Variants in STK32B observed in about 807,000 individuals in gnomAD.
The protein encoded by STK32B is serine/threonine kinase 32B, also known as serine/threonine-protein kinase 32B.
STK32B carries 43 observed loss-of-function variants against 52.6 expected under a neutral mutation model. The observed-to-expected ratio is 0.82, with a 90% CI of 0.64 to 1.05. STK32B has a LOEUF of 1.05. STK32B is among the 50% of genes least tolerant of loss of function. STK32B has a pLI of 0.00. For missense variants in STK32B, 621 were observed against 534.6 expected (o/e 1.16, Z -1.59); for synonymous variants, 238 against 204.3 (o/e 1.17, Z -1.41).
At chr4:5,384,127 G>A (rs1056456978) in intron 4 of STK32B, among the ~76,000 whole-genome samples, 4 of 152,224 alleles carry the variant, frequency 2.6e-5, no homozygotes, top group Admixed American at 1.3e-4. Context: ...GCAGCCAGAC[G>A]AAGTGAGTGG....
intron 2 of STK32B, among the ~76,000 whole-genome samples, chr4:5,167,142 C>A (rs1234215375): frequency 1.3e-5 from 2 of 152,144 alleles, no homozygotes; most frequent in Non-Finnish European, 2.9e-5. Flanking sequence ...AGCTTGCCCC[C>A]TGGTTTTGAT....
chr4:5,493,077 G>C (rs1464408837), intron 11 of STK32B, among the ~76,000 whole-genome samples: 3 of 151,326 alleles, frequency 2.0e-5, no homozygotes, highest in Admixed American at 6.6e-5. Context: ...TTGGTATCAG[G>C]ATGATGCTGG....
At position 5,205,336 on chromosome 4, in the gene STK32B, T is replaced by C. The variant is rs555622264; in HGVS notation, c.260+36886T>C. Among the ~76,000 whole-genome samples the C allele has an allele frequency of 3.9e-5, 6 of 152,340 alleles. No individual in the cohort carries two copies. The South Asian group carries it at 1.2e-3, about 32-fold the overall frequency. ...GGAGGCAGTACAATCTCCATAATCC[T>C]GTGAGCCAATGTCTATAGTAAATCT... On this transcript the variant is annotated intron_variant, in intron 3 of 11. Transcript: ENST00000282908.
chr4:5,155,359 A>G (rs755949597), intron 2 of STK32B, among the ~76,000 whole-genome samples: 10 of 152,244 alleles, frequency 6.6e-5, no homozygotes, highest in Non-Finnish European at 1.0e-4. Context: ...GCACCAGAAC[A>G]TAAGCTCTTT....
chr4:5,356,710 T>TA (rs1384097376), intron 4 of STK32B, among the ~76,000 whole-genome samples: 1 of 152,150 alleles, frequency 6.6e-6, no homozygotes, highest in Admixed American at 6.5e-5. Flanking sequence ...TTAATAAGTG[T>TA]ATATTGCTGG....
intron 4 of STK32B, among the ~76,000 whole-genome samples, chr4:5,370,822 A>T (rs574495298): frequency 7.4e-4 from 112 of 152,032 alleles, no homozygotes; most frequent in African/African-American, 2.6e-3. Context: ...AAATAAAAAA[A>T]ATTAGCCAGA....
intron 3 of STK32B, among the ~76,000 whole-genome samples, chr4:5,188,500 G>T (rs1720922282): frequency 6.6e-6 from 1 of 151,948 alleles, no homozygotes; most frequent in African/African-American, 2.4e-5. Context: ...TGTTCTCTCT[G>T]CCTGGGTGAT....
At chr4:5,358,701 G>GCGCGCGCGCACACACACA (rs151338728) in intron 4 of STK32B, among the ~76,000 whole-genome samples, 1 of 106,736 alleles carries the variant, frequency 9.4e-6, no homozygotes, top group Admixed American at 8.2e-5. Context: ...TCACACACAT[G>GCGCGCGCGCACACACACA]CACACACACA....
In STK32B at chr4:5,152,744, A is replaced by T. The variant is rs182912873; in HGVS notation, c.108+12784A>T. Among the ~76,000 whole-genome samples, 355 of 152,382 alleles carry T rather than the reference A, an allele frequency of 2.3e-3. 8 individuals are homozygous for T. Among genetic ancestry groups the T allele is most frequent in the Admixed American group, 0.02 (302 of 15,308 alleles). ...CTCTTTGCAGGCCATTGCAGGTGTCATAGTAAGCCTGAGGTGTGTGGATGT... is the reference window on the plus strand; with the variant it reads ...CTCTTTGCAGGCCATTGCAGGTGTCTTAGTAAGCCTGAGGTGTGTGGATGT... On this transcript the variant is annotated intron_variant, in intron 2 of 11. Coordinates refer to ENST00000282908, the MANE Select transcript of STK32B (RefSeq NM_018401.3).
At chr4:5,180,625 C>T (rs1015514297) in intron 3 of STK32B, among the ~76,000 whole-genome samples, 4 of 152,178 alleles carry the variant, frequency 2.6e-5, no homozygotes, top group African/African-American at 7.2e-5. Flanking sequence ...CAGAAGAGGA[C>T]ACAGTGTGGA....
At chr4:5,177,128 A>C (rs1378428093) in intron 3 of STK32B, among the ~76,000 whole-genome samples, 1 of 152,230 alleles carries the variant, frequency 6.6e-6, no homozygotes, top group African/African-American at 2.4e-5. Flanking sequence ...ATACTGCTAT[A>C]AAGAACTGCC....
chr4:5,027,522 C>A, the STK32B span, among the ~76,000 whole-genome samples: 1 of 152,250 alleles, frequency 6.6e-6, no homozygotes, highest in East Asian at 1.9e-4. Context: ...TGTTACCATG[C>A]AGCTGTGCAA....
intron 5 of STK32B, among the ~76,000 whole-genome samples, chr4:5,404,203 G>A (rs1008141962): frequency 1.3e-5 from 2 of 152,082 alleles, no homozygotes; most frequent in Non-Finnish European, 2.9e-5. Flanking sequence ...CAGTTCTGGA[G>A]GCTGGAAGTT....
intron 6 of STK32B, among the ~76,000 whole-genome samples, chr4:5,423,666 A>G (rs1026086247): frequency 6.6e-6 from 1 of 152,192 alleles, no homozygotes; most frequent in African/African-American, 2.4e-5. Flanking sequence ...ATCCCAGTTC[A>G]CTGCAGGGGC....
At chr4:5,193,002 G>T (rs991826993) in intron 3 of STK32B, among the ~76,000 whole-genome samples, 8 of 152,290 alleles carry the variant, frequency 5.3e-5, no homozygotes, top group African/African-American at 1.9e-4. Context: ...TGTCGGCAAT[G>T]GGGGGATGGT....
Position 5,123,859 on chromosome 4 carries a change from C to T in STK32B, c.53-16046C>T, listed in dbSNP as rs547862059. Among the ~76,000 whole-genome samples the T allele has an allele frequency of 1.3e-3, 52 of 39,388 alleles. No individual in the cohort carries two copies. The South Asian group carries it at 0.041, about 31-fold the overall frequency. 25.8% of individuals were successfully genotyped at this position (39,388 alleles called of 152,430 possible). ...ACAACTATGATTACCACCACCACCA[C>T]CACCATCATCAATCTCCTCATCCTC... On this transcript the variant is annotated intron_variant, in intron 1 of 11. Coordinates refer to ENST00000282908, the MANE Select transcript of STK32B (RefSeq NM_018401.3).
At chr4:5,196,275 C>A (rs559457067) in intron 3 of STK32B, among the ~76,000 whole-genome samples, 1 of 151,146 alleles carries the variant, frequency 6.6e-6, no homozygotes, top group African/African-American at 2.4e-5. Flanking sequence ...GATGCCACCC[C>A]GCGAGGTTCT....
chr4:5,304,284 A>C (rs1729769186), intron 3 of STK32B, among the ~76,000 whole-genome samples: 2 of 152,156 alleles, frequency 1.3e-5, no homozygotes. Context: ...GATCGTTTTC[A>C]CAATGTTGAT....
chr4:5,264,262 T>C (rs1172764560), intron 3 of STK32B, among the ~76,000 whole-genome samples: 1 of 152,242 alleles, frequency 6.6e-6, no homozygotes, highest in Admixed American at 6.5e-5. Context: ...CATAAAATTT[T>C]ACTAGAGTTC....
Sources: allele counts gnomAD v4.1 joint callset (sites outside exome capture counted in the v4.1 genomes callset), GRCh38; gene constraint gnomAD v4.1.1; transcripts MANE v1.5; gene names NCBI Gene and HGNC (gene_info 2026-07-23, HGNC 2026-07-21).